Variants in SLX4IP observed in about 807,000 individuals in gnomAD.
SLX4IP encodes protein SLX4IP.
A neutral mutation model predicts 32.9 loss-of-function variants in SLX4IP; 34 were observed. That is an observed-to-expected ratio of 1.03 (90% CI 0.79 to 1.38). SLX4IP has a LOEUF of 1.38. Ranked by LOEUF, SLX4IP falls within the 40% of genes most tolerant of loss-of-function variation. The pLI is 0.00. For missense variants in SLX4IP, 444 were observed against 479.0 expected (o/e 0.93, Z 0.68); for synonymous variants, 172 against 171.7 (o/e 1.00, Z -0.01).
intron 1 of SLX4IP, among the ~76,000 whole-genome samples, chr20:10,453,804 G>A (rs1356087808): frequency 6.6e-6 from 1 of 151,936 alleles, no homozygotes; most frequent in East Asian, 1.9e-4. Context: ...ATATGGGTCA[G>A]TCTCCATACT....
At chr20:10,549,643 A>T (rs138645191) in intron 2 of SLX4IP, among the ~76,000 whole-genome samples, 1 of 152,318 alleles carries the variant, frequency 6.6e-6, no homozygotes, top group East Asian at 1.9e-4. Context: ...ATGTCTGGCA[A>T]TGTGGAGTCT....
chr20:10,609,183 C>T (rs1207551134), intron 6 of SLX4IP, among the ~76,000 whole-genome samples: 2 of 152,144 alleles, frequency 1.3e-5, no homozygotes, highest in Non-Finnish European at 2.9e-5. Flanking sequence ...AGGAAAAACC[C>T]AGTCACCTCT....
At chr20:10,501,763 G>T (rs779942943) in intron 2 of SLX4IP, among the ~76,000 whole-genome samples, 5 of 152,128 alleles carry the variant, frequency 3.3e-5, no homozygotes, top group Non-Finnish European at 7.3e-5. Flanking sequence ...GAATTGTTGT[G>T]GCCATGAAGA....
intron 2 of SLX4IP, among the ~76,000 whole-genome samples, chr20:10,472,769 C>G (rs185605457): frequency 3.9e-5 from 6 of 152,304 alleles, no homozygotes. Flanking sequence ...CACAGAGTCA[C>G]GACCCAGAAG....
At chr20:10,503,471 C>T (rs1251921718) in intron 2 of SLX4IP, among the ~76,000 whole-genome samples, 1 of 152,206 alleles carries the variant, frequency 6.6e-6, no homozygotes, top group Non-Finnish European at 1.5e-5. Context: ...CAGCCTGCTG[C>T]CACCTTGCCA....
intron 2 of SLX4IP, among the ~76,000 whole-genome samples, chr20:10,530,359 T>C (rs2099957636): frequency 1.3e-5 from 2 of 152,232 alleles, no homozygotes; most frequent in African/African-American, 4.8e-5. Flanking sequence ...TCAGTGAATA[T>C]AGTTCCATTG....
intron 2 of SLX4IP, among the ~76,000 whole-genome samples, chr20:10,491,211 T>TA (rs2065620487): frequency 6.6e-6 from 1 of 152,242 alleles, no homozygotes; most frequent in South Asian, 2.1e-4. Flanking sequence ...CCCTTGTACT[T>TA]ATTTCGCAGT....
At chr20:10,602,885 A>C (rs982908567) in intron 6 of SLX4IP, among the ~76,000 whole-genome samples, 2 of 152,230 alleles carry the variant, frequency 1.3e-5, no homozygotes, top group African/African-American at 4.8e-5. Context: ...ACTTATATTT[A>C]AATTTAGATG....
At position 10,459,641 on chromosome 20, in the gene SLX4IP, G is replaced by A. The variant is rs951476939; in HGVS notation, c.27+1410G>A. Among the ~76,000 whole-genome samples, 79 of 152,316 alleles carry A rather than the reference G, an allele frequency of 5.2e-4. 1 individual carries two copies. The highest frequency in any genetic ancestry group is 1.9e-3 in the African/African-American group (78 of 41,560). On this transcript the variant is annotated intron_variant, in intron 2 of 7. Coordinates refer to ENST00000334534, the MANE Select transcript of SLX4IP (RefSeq NM_001009608.3). ...CAGATAAAAGGTTGAAGCAAAAGAA[G>A]TAATCAGCAAATTCTCTACCTGGGT...
In SLX4IP at chr20:10,623,332, C is replaced by A. The variant is rs1600168331; in HGVS notation, c.1180C>A (p.Gln394Lys). 1 of 1,613,850 alleles carries A rather than the reference C, an allele frequency of 6.2e-7. No individual in the cohort carries two copies. The highest frequency in any genetic ancestry group is 8.5e-7 in the Non-Finnish European group (1 of 1,179,954). ...AAACACTGAAAGATTATCTACAATTCAGAACAGCCCAACCAAGAAAAGAAA... is the reference window on the plus strand; with the variant it reads ...AAACACTGAAAGATTATCTACAATTAAGAACAGCCCAACCAAGAAAAGAAA... ...ATNTERLSTI[Q>K]NSPTKKRKKY... The change falls in exon 8 of 8, where the codon CAG becomes AAG. Residue 394 changes from glutamine to lysine, a missense_variant. Transcript: ENST00000334534.
At chr20:10,506,082 A>C (rs1230940612) in intron 2 of SLX4IP, among the ~76,000 whole-genome samples, 1 of 152,228 alleles carries the variant, frequency 6.6e-6, no homozygotes, top group African/African-American at 2.4e-5. Context: ...CATGATCAGC[A>C]TGTTGAAACT....
At position 10,622,813 on chromosome 20, in the gene SLX4IP, C is replaced by T; in HGVS notation, c.661C>T (p.Gln221Ter). ...CAGTCCCCCATCAGAATCCATGGGA[C>T]AAGCAAAGGATTCCATAAAGGCAGC... ...SSSPPSESMG[Q>*]AKDSIKAAES... The change falls in exon 8 of 8, where the codon CAA (glutamine) becomes TAA (stop). Residue 221 changes from glutamine to a stop codon, truncating the protein, a stop_gained. Coordinates refer to ENST00000334534, the MANE Select transcript of SLX4IP (RefSeq NM_001009608.3). LOFTEE classifies it high-confidence loss of function. 4 of 1,614,084 alleles carry T rather than the reference C, an allele frequency of 2.5e-6. No individual in the cohort carries two copies. Among genetic ancestry groups the T allele is most frequent in the Non-Finnish European group, 3.4e-6 (4 of 1,180,036 alleles).
At chr20:10,526,200 A>G (rs557017773) in intron 2 of SLX4IP, among the ~76,000 whole-genome samples, 123 of 152,334 alleles carry the variant, frequency 8.1e-4, no homozygotes, top group Non-Finnish European at 1.2e-3. Context: ...TCTACTTGGT[A>G]AAAGCCTAGT....
At chr20:10,472,668 C>T (rs1328499587) in intron 2 of SLX4IP, among the ~76,000 whole-genome samples, 2 of 152,172 alleles carry the variant, frequency 1.3e-5, no homozygotes, top group Admixed American at 6.5e-5. Flanking sequence ...TGACTTGAGT[C>T]TTTCTGAGCT....
At chr20:10,490,245 T>G (rs2065611168) in intron 2 of SLX4IP, among the ~76,000 whole-genome samples, 2 of 152,148 alleles carry the variant, frequency 1.3e-5, no homozygotes, top group African/African-American at 4.8e-5. Context: ...ATAAAATTCT[T>G]TATGAGTATT....
chr20:10,526,694 T>C (rs2065942960), intron 2 of SLX4IP, among the ~76,000 whole-genome samples: 1 of 152,156 alleles, frequency 6.6e-6, no homozygotes, highest in Non-Finnish European at 1.5e-5. Context: ...CTCATGCCTG[T>C]AATCCCAGCA....
chr20:10,529,221 A>T (rs1285814807), intron 2 of SLX4IP, among the ~76,000 whole-genome samples: 1 of 152,194 alleles, frequency 6.6e-6, no homozygotes, highest in African/African-American at 2.4e-5. Flanking sequence ...GAGACATTTA[A>T]TTTTTATAAT....
chr20:10,582,550 T>G (rs1350524746), intron 4 of SLX4IP, among the ~76,000 whole-genome samples: 2 of 152,102 alleles, frequency 1.3e-5, no homozygotes, highest in African/African-American at 4.8e-5. Context: ...CTGGCTTGAG[T>G]CTGCAAGATG....
chr20:10,542,157 G>T (rs1168531337), intron 2 of SLX4IP, among the ~76,000 whole-genome samples: 3 of 152,170 alleles, frequency 2.0e-5, no homozygotes, highest in African/African-American at 7.2e-5. Flanking sequence ...GAGACCAGTG[G>T]CCTATGATAA....
Sources: gnomAD v4.1 joint callset for allele counts (sites outside exome capture counted in the v4.1 genomes callset) on GRCh38, gnomAD v4.1.1 for gene constraint, MANE v1.5 for transcripts, NCBI Gene and HGNC (gene_info 2026-07-23, HGNC 2026-07-21) for gene names.